SPTBN5: variants seen among roughly 807,000 people sequenced by gnomAD.
SPTBN5 encodes spectrin beta, non-erythrocytic 5.
Under a neutral mutation model 477.6 loss-of-function variants are expected in SPTBN5, and 513 were observed. The observed-to-expected ratio is 1.07, with a 90% CI of 1.00 to 1.16. The LOEUF is 1.16. SPTBN5 is among the 50% of genes most tolerant of loss of function. The pLI, the probability that SPTBN5 is intolerant of heterozygous loss-of-function variation, is 0.00. For missense variants in SPTBN5, 5,062 were observed against 4,731.8 expected, an observed-to-expected ratio of 1.07 and a Z score of -2.05; for synonymous variants, 2,169 against 2,011.7, an observed-to-expected ratio of 1.08 and a Z score of -2.09.
In SPTBN5 at chr15:41,851,170, A is replaced by G; in HGVS notation, c.10744-20T>C. 2.5e-6 allele frequency: 4 copies of G among 1,609,476 alleles called. No individual in the cohort carries two copies. Among genetic ancestry groups the G allele is most frequent in the Non-Finnish European group, 2.5e-6 (3 of 1,177,968 alleles). On this transcript the variant is annotated intron_variant, in intron 64 of 67. Transcript: ENST00000320955. ...TACTTTCTGAGGAGAGATGAGAGGC[A>G]GGGGTCACTGCGGCCATCTCAGCTT...
Position 41,861,364 on chromosome 15 carries a change from C to T in SPTBN5, c.7815+55G>A, listed in dbSNP as rs1007865767. ...CTCAGGCAGCACTGGCTGGTTTGAC[C>T]CCTAATGCTGCTCTGGTAATTCCCC... On this transcript the variant is annotated intron_variant, in intron 46 of 67. Coordinates refer to ENST00000320955, the MANE Select transcript of SPTBN5 (RefSeq NM_016642.4). 3.3e-6 allele frequency: 5 copies of T among 1,503,534 alleles called. No homozygotes were observed. In the African/African-American group the frequency reaches 6.9e-5, roughly 21 times the overall value. 93.1% of individuals were successfully genotyped at this position (1,503,534 alleles called of 1,614,324 possible). A position where few individuals can be genotyped will look rare whatever the true frequency, so the allele number is the denominator to read the frequency against.
chr15:41,866,407 C>G lies in SPTBN5; in HGVS notation c.6567G>C (p.Leu2189=), dbSNP rs1439440298. ...GDLRDKLKPL[L]KHQAFEAEVQ... Reference sequence around the variant, plus strand: ...CTTCAGCCTCAAAGGCCTGGTGTTTCAGCAGGGGCTTCAGCTTATCTCTCA... The same window carrying G: ...CTTCAGCCTCAAAGGCCTGGTGTTTGAGCAGGGGCTTCAGCTTATCTCTCA... The change falls in exon 37 of 68, where the codon CTG becomes CTC. Residue 2189 remains leucine, a synonymous_variant. Coordinates refer to ENST00000320955, the MANE Select transcript of SPTBN5 (RefSeq NM_016642.4). 1.2e-6 allele frequency: 2 copies of G among 1,611,770 alleles called. No homozygotes were observed. Among genetic ancestry groups the G allele is most frequent in the Non-Finnish European group, 1.7e-6 (2 of 1,178,976 alleles).
chr15:41,882,180 G>A (rs2066982391), intron 11 of SPTBN5, 35 bp from the exon 12 acceptor site: 5 of 1,518,594 alleles, frequency 3.3e-6, no homozygotes, highest in Non-Finnish European at 4.4e-6. Context: ...GTGGGTGAAG[G>A]GGCGCGGCTG....
chr15:41,888,512 G>A (rs546253440), intron 4 of SPTBN5, among the ~76,000 whole-genome samples: 82 of 152,378 alleles, frequency 5.4e-4, no homozygotes, highest in African/African-American at 1.9e-3. Flanking sequence ...ATGGGCTGGA[G>A]TGCAGTGGCA....
At position 41,880,273 on chromosome 15, in the gene SPTBN5, C is replaced by T. The variant is rs140057818; in HGVS notation, c.2698G>A (p.Gly900Ser). The T allele has an allele frequency of 1.8e-5, 29 of 1,607,268 alleles. No individual in the cohort carries two copies. The highest frequency in any genetic ancestry group is 9.0e-5 in the East Asian group (4 of 44,692). Residue 900 changes from glycine to serine, a missense_variant, in exon 14 of 68, where the codon GGT (glycine) becomes AGT (serine). Gly to Ser is a moderately conservative substitution (Grantham distance 56, BLOSUM62 0). Coordinates refer to ENST00000320955, the MANE Select transcript of SPTBN5 (RefSeq NM_016642.4). Reference protein sequence around the residue: ...ARLEEAMALFGFCSSCGELQL... With the variant: ...ARLEEAMALFSFCSSCGELQL... ...AGCTCCCCACAGGAACTGCAGAAAC[C>T]GAACAGGGCCATGGCCTCCTCCAAC...
In SPTBN5 at chr15:41,868,007, AGAG is replaced by A. The variant is rs1276974653; in HGVS notation, c.6207+59_6207+61del. ...AGGCAGGAGGAAAGGGACTGAGCAGAGAGGAGAATAGAAAGGAGGAGCAGGAGG... is the reference window on the plus strand; with the variant it reads ...AGGCAGGAGGAAAGGGACTGAGCAGAGAGAATAGAAAGGAGGAGCAGGAGG... On this transcript the variant is annotated intron_variant, in intron 34 of 67. Coordinates refer to ENST00000320955, the MANE Select transcript of SPTBN5 (RefSeq NM_016642.4). The A allele has an allele frequency of 3.9e-6, 6 of 1,528,438 alleles. No individual in the cohort carries two copies. The African/African-American group carries it at 4.1e-5, about 11-fold the overall frequency. 94.7% of individuals were successfully genotyped at this position (1,528,438 alleles called of 1,614,324 possible).
rs374541178 is a variant in SPTBN5, at chr15:41,862,304, G to A, written c.7386-12C>T. 202 of 1,582,022 alleles carry A rather than the reference G, an allele frequency of 1.3e-4. No homozygotes were observed. Among genetic ancestry groups the A allele is most frequent in the African/African-American group, 1.6e-4 (12 of 74,172 alleles). ...CCAGCGCCTCCCTCCTGCCCACAGC[G>A]CTCATCAGCTAGTCGTCAGGCCTTC... On this transcript the variant is annotated splice_polypyrimidine_tract_variant and intron_variant, in intron 43 of 67. Transcript: ENST00000320955.
Position 41,852,735 on chromosome 15 carries a change from G to C in SPTBN5, c.10348C>G (p.His3450Asp). 6.2e-7 allele frequency: 1 copy of C among 1,613,020 alleles called. No homozygotes were observed. Among genetic ancestry groups the C allele is most frequent in the Non-Finnish European group, 8.5e-7 (1 of 1,179,686 alleles). The change falls in exon 61 of 68, where the codon CAC (histidine) becomes GAC (aspartate). Residue 3450 changes from histidine to aspartate, a missense_variant and splice_region_variant. Transcript: ENST00000320955. ...AGCAACTCCACATCTGACACTGAGT[G>C]CTGGGGAGAAGCATGTTCAGGTGAC... ...EGLLLKPDYG[H>D]SVSDVELLLH...
intron 52 of SPTBN5, 61 bp from the exon 53 acceptor site, chr15:41,856,659 G>C (rs919612186): frequency 4.8e-5 from 71 of 1,465,352 alleles, no homozygotes; most frequent in Non-Finnish European, 6.1e-5. Flanking sequence ...TCCCACAGTT[G>C]TGCTTGAAGT....
In SPTBN5 at chr15:41,893,521, A is replaced by G; in HGVS notation, c.-24T>C. 1 of 1,549,496 alleles carries G rather than the reference A, an allele frequency of 6.5e-7. No homozygotes were observed. The stretch of plus-strand genomic sequence containing the variant: ...ATCAGCCCTGCAGACTTTGGGGATG[A>G]GGAGCTGCTGGATGGCTCCCTAAAC... On this transcript the variant is annotated 5_prime_UTR_variant, in exon 2 of 68. Coordinates refer to ENST00000320955, the MANE Select transcript of SPTBN5 (RefSeq NM_016642.4).
At position 41,865,737 on chromosome 15, in the gene SPTBN5, C is replaced by T. The variant is rs1595466487; in HGVS notation, c.6918+71G>A. ...CACGCCCTGCTCTACAGCCCACACT[C>T]TTTCCCTGCTCTCAGTTGGATTTTC... On this transcript the variant is annotated intron_variant, in intron 39 of 67. Coordinates refer to ENST00000320955, the MANE Select transcript of SPTBN5 (RefSeq NM_016642.4). The T allele has an allele frequency of 2.9e-6, 4 of 1,395,902 alleles. No individual in the cohort carries two copies. The East Asian group carries it at 1.0e-4, about 35-fold the overall frequency. 86.5% of individuals were successfully genotyped at this position (1,395,902 alleles called of 1,614,324 possible).
chr15:41,884,351 C>T (rs2067081495), intron 7 of SPTBN5, among the ~76,000 whole-genome samples: 1 of 151,866 alleles, frequency 6.6e-6, no homozygotes, highest in African/African-American at 2.4e-5. Context: ...AACTCCTGAC[C>T]TCAGGTGATC....
rs747644904 is a variant in SPTBN5 at position 41,858,846 on chromosome 15, C to T, written c.8079+44G>A. ...GAAGGGTGGCCTTTCCCTGGGTCGA[C>T]TCCTTCCCCACCATGACCGCCTCCC... On this transcript the variant is annotated intron_variant, in intron 48 of 67. Coordinates refer to ENST00000320955, the MANE Select transcript of SPTBN5 (RefSeq NM_016642.4). The T allele has an allele frequency of 2.6e-6, 4 of 1,548,262 alleles. No individual in the cohort carries two copies. In the South Asian group the frequency reaches 4.8e-5, roughly 19 times the overall value.
chr15:41,893,164 G>A, intron 2 of SPTBN5, 103 bp from the exon 3 acceptor site: 1 of 1,567,972 alleles, frequency 6.4e-7, no homozygotes, highest in Non-Finnish European at 8.7e-7. Flanking sequence ...TTGGAAGAAG[G>A]AGCTCTGGCC....
At position 41,851,799 on chromosome 15, in the gene SPTBN5, G is replaced by T. The variant is rs773317086; in HGVS notation, c.10636C>A (p.Leu3546Met). The change falls in exon 63 of 68, where the codon CTG (leucine) becomes ATG (methionine). Residue 3546 changes from leucine (L) to methionine (M), a missense_variant. Physicochemically the swap from Leu to Met is conservative, Grantham distance 15. Transcript: ENST00000320955. ...CTCACCTGCCTCCCGCCAGGCAGCAGGTGCTGCTTGAACTCCAAAGACCCC... is the reference window on the plus strand; with the variant it reads ...CTCACCTGCCTCCCGCCAGGCAGCATGTGCTGCTTGAACTCCAAAGACCCC... ...MEGSLEFKQH[L>M]LPGGRQPSSS... is the part of the protein sequence containing the mutation. 6.2e-7 allele frequency: 1 copy of T among 1,610,314 alleles called. No homozygotes were observed. Among genetic ancestry groups the T allele is most frequent in the Admixed American group, 1.7e-5 (1 of 59,914 alleles).
At position 41,854,021 on chromosome 15, in the gene SPTBN5, A is replaced by T. The variant is rs1365869543; in HGVS notation, c.9774+29T>A. 2.6e-6 allele frequency: 4 copies of T among 1,537,842 alleles called. No homozygotes were observed. In the East Asian group the frequency reaches 9.7e-5, roughly 37 times the overall value. ...CCACCGCCTTCGGGCAGGGGCTCAG[A>T]CAGGCAGGCTGCAGGGCGTGGGCCT... On this transcript the variant is annotated intron_variant, in intron 57 of 67. Transcript: ENST00000320955.
chr15:41,869,141 A>G (rs1283800865), intron 32 of SPTBN5, among the ~76,000 whole-genome samples: 1 of 152,236 alleles, frequency 6.6e-6, no homozygotes, highest in African/African-American at 2.4e-5. Context: ...CAAATGTCTC[A>G]TTGCATGGAG....
chr15:41,872,036 G>T (rs2066559590), intron 27 of SPTBN5, 119 bp from the exon 28 acceptor site: 2 of 1,316,372 alleles, frequency 1.5e-6, no homozygotes, highest in Admixed American at 2.9e-5. Flanking sequence ...GTCCAAGCCT[G>T]CGGCTCACGA....
rs776487294 is a variant in SPTBN5, at chr15:41,866,474, G to C, written c.6500C>G (p.Ala2167Gly). 2 of 1,581,780 alleles carry C rather than the reference G, an allele frequency of 1.3e-6. No homozygotes were observed. The highest frequency in any genetic ancestry group is 3.7e-5 in the Admixed American group (2 of 54,124). Residue 2167 changes from alanine (A) to glycine (G), a missense_variant, in exon 37 of 68, where the codon GCG becomes GGG. Coordinates refer to ENST00000320955, the MANE Select transcript of SPTBN5 (RefSeq NM_016642.4). Reference protein sequence around the residue: ...AATQAEDWIQAWAQQLKEPVP... With the variant: ...AATQAEDWIQGWAQQLKEPVP... ...CGGCTCCTTCAGCTGCTGGGCCCAC[G>C]CCTGGATCCAGTCCTCAGCCTGGTG...
Sources: gnomAD v4.1 joint callset for allele counts (sites outside exome capture counted in the v4.1 genomes callset) on GRCh38, gnomAD v4.1.1 for gene constraint, MANE v1.5 for transcripts, NCBI Gene and HGNC (gene_info 2026-07-23, HGNC 2026-07-21) for gene names.